Variants in PPP1R37 observed in about 807,000 individuals in gnomAD.
The protein encoded by PPP1R37 is leucine rich repeat containing 68.
In PPP1R37, 21 loss-of-function variants were observed where a neutral mutation model predicts 61.0. The ratio of observed to expected loss-of-function variants is 0.34; its 90% CI spans 0.24 to 0.50. The LOEUF (loss-of-function observed/expected upper bound fraction) is 0.50. Ranked by LOEUF, PPP1R37 falls within the 20% of genes least tolerant of loss-of-function variation. PPP1R37 has a pLI of 0.98. For synonymous variants in PPP1R37, 443 were observed against 433.5 expected (o/e 1.02, Z -0.27); for missense variants, 910 against 952.7 (o/e 0.96, Z 0.59).
At chr19:45,146,366 G>C (rs1968700237) in intron 11 of PPP1R37, 24 bp from the exon 12 acceptor site, 1 of 1,532,788 alleles carries the variant, frequency 6.5e-7, no homozygotes, top group African/African-American at 1.4e-5. Context: ...CCTGACGGGG[G>C]TGCTGGCCCG....
intron 1 of PPP1R37, among the ~76,000 whole-genome samples, chr19:45,137,350 G>GCT (rs2122749192): frequency 6.6e-6 from 1 of 152,362 alleles, no homozygotes; most frequent in South Asian, 2.1e-4. Context: ...CGCTCATTAT[G>GCT]CTCAGTAAGA....
At chr19:45,128,746 G>C (rs993440307) in intron 1 of PPP1R37, 28 of 729,092 alleles carry the variant, frequency 3.8e-5, no homozygotes, top group Admixed American at 1.1e-4. Context: ...CACCTGGTTG[G>C]TATTGACATC....
chr19:45,107,410 T>C (rs1279150702), intron 1 of PPP1R37, among the ~76,000 whole-genome samples: 2 of 152,018 alleles, frequency 1.3e-5, no homozygotes, highest in African/African-American at 4.8e-5. Context: ...GAGACCAGCC[T>C]GGACGACATG....
At position 45,093,252 on chromosome 19, in the gene PPP1R37, C is replaced by A. The variant is rs1029326350; in HGVS notation, c.-74C>A. The A allele has an allele frequency of 8.3e-7, 1 of 1,198,474 alleles. No individual in the cohort carries two copies. The highest frequency in any genetic ancestry group is 1.1e-6 in the Non-Finnish European group (1 of 928,692). The allele number at this position is 1,198,474 out of a possible 1,614,324, so 74.2% of individuals were successfully genotyped here. A position where few individuals can be genotyped will look rare whatever the true frequency, so the allele number is the denominator to read the frequency against. ...CGGCGGAGCCCATGCCCCGGGACGGCGGGCGGACCCGGAGAGACAAATCCG... is the reference window on the plus strand; with the variant it reads ...CGGCGGAGCCCATGCCCCGGGACGGAGGGCGGACCCGGAGAGACAAATCCG... On this transcript the variant is annotated 5_prime_UTR_variant, in exon 1 of 13. Transcript: ENST00000221462.
chr19:45,139,869 C>T (rs140402884), intron 2 of PPP1R37, among the ~76,000 whole-genome samples: 1 of 152,378 alleles, frequency 6.6e-6, no homozygotes, highest in African/African-American at 2.4e-5. Context: ...TGTGCCCAGC[C>T]TTGCCATCTT....
chr19:45,125,762 G>T (rs918575001), intron 1 of PPP1R37, among the ~76,000 whole-genome samples: 2 of 152,216 alleles, frequency 1.3e-5, no homozygotes, highest in Non-Finnish European at 1.5e-5. Context: ...GTAAAGTGAA[G>T]AGGCCTATCC....
At chr19:45,146,237 G>T in intron 11 of PPP1R37, 153 bp from the exon 12 acceptor site, 1 of 888,294 alleles carries the variant, frequency 1.1e-6, no homozygotes, top group Non-Finnish European at 1.6e-6. Context: ...TCCTGGGGTG[G>T]GGGGGCATGT....
At chr19:45,128,276 C>G (rs560496722) in intron 1 of PPP1R37, among the ~76,000 whole-genome samples, 3 of 152,318 alleles carry the variant, frequency 2.0e-5, no homozygotes, top group East Asian at 3.9e-4. Context: ...ACAGCCCAGG[C>G]CAGCCGACAG....
At chr19:45,098,478 TCA>T (rs1249918387) in intron 1 of PPP1R37, among the ~76,000 whole-genome samples, 1 of 152,178 alleles carries the variant, frequency 6.6e-6, no homozygotes, top group South Asian at 2.1e-4. Context: ...TGCCGGTGAC[TCA>T]CTCCCTGCTC....
intron 1 of PPP1R37, among the ~76,000 whole-genome samples, chr19:45,097,818 C>T (rs1968012736): frequency 6.6e-6 from 1 of 152,092 alleles, no homozygotes; most frequent in Non-Finnish European, 1.5e-5. Context: ...CCGCTTTCCT[C>T]AAGGACACTC....
At chr19:45,129,846 T>C (rs953234332) in intron 1 of PPP1R37, among the ~76,000 whole-genome samples, 32 of 152,302 alleles carry the variant, frequency 2.1e-4, no homozygotes, top group African/African-American at 6.3e-4. Flanking sequence ...TTCCCTGCGG[T>C]CTCTCTCCCC....
rs768846000 is a variant in PPP1R37 at position 45,146,406 on chromosome 19, G to A, written c.2010G>A (p.Lys670=). 2 of 1,535,846 alleles carry A rather than the reference G, an allele frequency of 1.3e-6. No individual in the cohort carries two copies. Among genetic ancestry groups the A allele is most frequent in the South Asian group, 2.4e-5 (2 of 84,030 alleles). The change falls in exon 12 of 13, where the codon AAG becomes AAA. Residue 670 remains lysine, a synonymous_variant. Coordinates refer to ENST00000221462, the MANE Select transcript of PPP1R37 (RefSeq NM_019121.2). ...CGLEHELSCS[K]NEKELEELLL... ...CCCACACAGAACTGAGCTGCTCCAA[G>A]AACGAGAAGGAGCTCGAGGAGCTGC...
intron 1 of PPP1R37, among the ~76,000 whole-genome samples, chr19:45,133,695 A>G (rs1190664174): frequency 6.6e-6 from 1 of 152,046 alleles, no homozygotes; most frequent in Non-Finnish European, 1.5e-5. Context: ...CCACCCCTTT[A>G]TGAGACTTCA....
intron 1 of PPP1R37, among the ~76,000 whole-genome samples, chr19:45,106,794 T>G (rs1489155235): frequency 6.7e-6 from 1 of 148,598 alleles, no homozygotes; most frequent in Admixed American, 6.7e-5. Flanking sequence ...TTATGGCTAA[T>G]GATGTTGAGC....
In PPP1R37 at chr19:45,145,973, C is replaced by G. The variant is rs1488043683; in HGVS notation, c.1917C>G (p.Pro639=). ...SGPPLPNGLK[P]EFALALPPEP... Reference sequence around the variant, plus strand: ...CACCACTGCCCAACGGCCTGAAGCCCGAGTTCGCCCTGGCACTGCCCCCTG... The same window carrying G: ...CACCACTGCCCAACGGCCTGAAGCCGGAGTTCGCCCTGGCACTGCCCCCTG... The change falls in exon 11 of 13, where the codon CCC becomes CCG. Residue 639 remains proline, a synonymous_variant. Transcript: ENST00000221462. 3 of 1,534,570 alleles carry G rather than the reference C, an allele frequency of 2.0e-6. No individual in the cohort carries two copies. The highest frequency in any genetic ancestry group is 1.7e-4 in the Middle Eastern group (1 of 5,954).
chr19:45,141,841 G>T (rs1294542930), intron 5 of PPP1R37, among the ~76,000 whole-genome samples: 1 of 152,162 alleles, frequency 6.6e-6, no homozygotes, highest in Non-Finnish European at 1.5e-5. Flanking sequence ...GCCCTGCCTC[G>T]CTCACCCACA....
intron 1 of PPP1R37, among the ~76,000 whole-genome samples, chr19:45,094,914 A>G (rs1054089559): frequency 1.3e-5 from 2 of 152,106 alleles, no homozygotes; most frequent in Non-Finnish European, 2.9e-5. Context: ...GGGCTGGGAA[A>G]GTGGAAAGTC....
intron 1 of PPP1R37, among the ~76,000 whole-genome samples, chr19:45,101,996 C>T (rs1599688916): frequency 6.6e-6 from 1 of 152,246 alleles, no homozygotes; most frequent in Non-Finnish European, 1.5e-5. Context: ...CTTCCCTTCT[C>T]TCCTTGGATC....
chr19:45,110,512 C>T (rs910856803), intron 1 of PPP1R37, among the ~76,000 whole-genome samples: 1 of 152,106 alleles, frequency 6.6e-6, no homozygotes, highest in African/African-American at 2.4e-5. Flanking sequence ...GAATTTGTAT[C>T]CCCTGTGTTT....
Sources: allele counts gnomAD v4.1 joint callset (sites outside exome capture counted in the v4.1 genomes callset), GRCh38; gene constraint gnomAD v4.1.1; transcripts MANE v1.5; gene names NCBI Gene and HGNC (gene_info 2026-07-23, HGNC 2026-07-21).